The following TAFA2 variants were observed in gnomAD, a reference collection of about 807,000 sequenced individuals.
The protein encoded by TAFA2 is TAFA chemokine like family member 2, also known as chemokine-like protein TAFA-2.
In TAFA2, 7 loss-of-function variants were observed where a neutral mutation model predicts 18.8. The ratio of observed to expected loss-of-function variants is 0.37; its 90% CI spans 0.21 to 0.70. The LOEUF is 0.70. Ranked by LOEUF, TAFA2 falls within the 30% of genes least tolerant of loss-of-function variation. The pLI, the probability that TAFA2 is intolerant of heterozygous loss-of-function variation, is 0.53. For synonymous variants in TAFA2, 60 were observed against 54.2 expected (o/e 1.11, Z -0.47); for missense variants, 122 against 158.1 (o/e 0.77, Z 1.23).
chr12:62,005,739 T>C (rs535528462), intron 1 of TAFA2, among the ~76,000 whole-genome samples: 50 of 151,980 alleles, frequency 3.3e-4, no homozygotes, highest in Non-Finnish European at 6.2e-4. Context: ...TTTCCATTAA[T>C]CCACAAAAAT....
intron 1 of TAFA2, among the ~76,000 whole-genome samples, chr12:62,097,359 G>A (rs999757625): frequency 6.6e-6 from 1 of 152,132 alleles, no homozygotes; most frequent in Non-Finnish European, 1.5e-5. Flanking sequence ...GAAAAAGCCA[G>A]AGAAAGAGTG....
At chr12:62,046,113 A>G (rs1489498456) in intron 1 of TAFA2, among the ~76,000 whole-genome samples, 1 of 152,216 alleles carries the variant, frequency 6.6e-6, no homozygotes, top group African/African-American at 2.4e-5. Context: ...TGATGGATTC[A>G]GAAAGCAATA....
chr12:62,121,029 T>C (rs893889776), intron 1 of TAFA2, among the ~76,000 whole-genome samples: 1 of 152,076 alleles, frequency 6.6e-6, no homozygotes, highest in East Asian at 1.9e-4. Context: ...TAATTTTGTA[T>C]TTTTAGTAGA....
At chr12:61,882,745 T>C (rs932320623) in intron 1 of TAFA2, among the ~76,000 whole-genome samples, 14 of 152,188 alleles carry the variant, frequency 9.2e-5, no homozygotes, top group Non-Finnish European at 1.9e-4. Context: ...ATTTATATAT[T>C]CTACCTACTA....
intron 1 of TAFA2, among the ~76,000 whole-genome samples, chr12:61,935,009 T>C (rs1433411936): frequency 6.6e-6 from 1 of 152,206 alleles, no homozygotes; most frequent in Non-Finnish European, 1.5e-5. Flanking sequence ...TTTATAAGCA[T>C]TGACCAAGCC....
intron 2 of TAFA2, among the ~76,000 whole-genome samples, chr12:61,805,716 G>A (rs536004109): frequency 6.6e-6 from 1 of 152,130 alleles, no homozygotes; most frequent in East Asian, 1.9e-4. Context: ...AGATTAATGT[G>A]GAAATGGCAA....
intron 4 of TAFA2, among the ~76,000 whole-genome samples, chr12:61,716,207 T>C (rs1869651372): frequency 2.0e-5 from 3 of 152,202 alleles, no homozygotes; most frequent in Non-Finnish European, 4.4e-5. Context: ...TCCCAGGTTT[T>C]GCCTCTGATT....
intron 2 of TAFA2, chr12:61,776,035 A>G (rs1424059910): frequency 2.6e-6 from 1 of 378,820 alleles, no homozygotes; most frequent in Non-Finnish European, 5.1e-6. Flanking sequence ...AAGAAAGGTG[A>G]TATTGTAGAC....
chr12:61,711,799 C>A (rs1435002583), intron 4 of TAFA2, among the ~76,000 whole-genome samples: 1 of 151,824 alleles, frequency 6.6e-6, no homozygotes, highest in African/African-American at 2.4e-5. Flanking sequence ...TGCACAGAAC[C>A]ATGGAAGAAG....
At chr12:62,042,349 C>T (rs1445798744) in intron 1 of TAFA2, among the ~76,000 whole-genome samples, 1 of 151,848 alleles carries the variant, frequency 6.6e-6, no homozygotes. Context: ...AGTTCAGGTG[C>T]TTGCATCCCA....
chr12:61,917,290 T>G (rs1876865572), intron 1 of TAFA2, among the ~76,000 whole-genome samples: 1 of 152,200 alleles, frequency 6.6e-6, no homozygotes, highest in Non-Finnish European at 1.5e-5. Context: ...CTACATAGCA[T>G]TTTGAAAGAC....
intron 2 of TAFA2, among the ~76,000 whole-genome samples, chr12:61,810,148 T>C (rs1871804816): frequency 6.6e-6 from 1 of 151,510 alleles, no homozygotes; most frequent in Admixed American, 6.6e-5. Context: ...TCCCAAATAC[T>C]GATAAATGCA....
At chr12:61,870,542 G>GA (rs1426562854) in intron 1 of TAFA2, among the ~76,000 whole-genome samples, 1 of 152,154 alleles carries the variant, frequency 6.6e-6, no homozygotes, top group Non-Finnish European at 1.5e-5. Context: ...AGTAGGGTAT[G>GA]AAAATCCTTC....
At chr12:62,134,704 G>A (rs1225353282) in intron 1 of TAFA2, among the ~76,000 whole-genome samples, 4 of 152,016 alleles carry the variant, frequency 2.6e-5, no homozygotes, top group South Asian at 2.1e-4. Flanking sequence ...CAGGGAGCAC[G>A]TCCATCTAGT....
chr12:61,935,048 T>C (rs931654704), intron 1 of TAFA2, among the ~76,000 whole-genome samples: 2 of 152,182 alleles, frequency 1.3e-5, no homozygotes, highest in African/African-American at 4.8e-5. Context: ...TTACTAATTA[T>C]TGACTGTACA....
intron 2 of TAFA2, among the ~76,000 whole-genome samples, chr12:61,847,527 A>G (rs1034843239): frequency 6.6e-6 from 1 of 152,250 alleles, no homozygotes; most frequent in Non-Finnish European, 1.5e-5. Flanking sequence ...AACGCATTAC[A>G]TGAAAAATGC....
intron 1 of TAFA2, chr12:61,880,287 AG>A (rs1875064474): frequency 1.7e-5 from 8 of 477,534 alleles, no homozygotes; most frequent in South Asian, 1.2e-4. Flanking sequence ...GCTGAGATCA[AG>A]GGCCTCAAAG....
In TAFA2 at chr12:61,983,628, G is replaced by A. The variant is rs985365062; in HGVS notation, c.-1-116202C>T. 5.9e-5 allele frequency among the ~76,000 whole-genome samples: 9 copies of A among 152,060 alleles called. No individual in the cohort carries two copies. In the South Asian group the frequency reaches 1.0e-3, roughly 18 times the overall value. ...TCACTGTGTTGGCCAGGATGGTCTC[G>A]ATCTCTTGACCTCGTGATCCACCTG... On this transcript the variant is annotated intron_variant, in intron 1 of 4. Transcript: ENST00000416284.
At chr12:62,158,313 T>C (rs1478906991) in intron 1 of TAFA2, among the ~76,000 whole-genome samples, 1 of 152,228 alleles carries the variant, frequency 6.6e-6, no homozygotes, top group Non-Finnish European at 1.5e-5. Flanking sequence ...GTGTATATAG[T>C]AGGCAGTATC....
Sources: gnomAD v4.1 joint callset for allele counts (sites outside exome capture counted in the v4.1 genomes callset) on GRCh38, gnomAD v4.1.1 for gene constraint, MANE v1.5 for transcripts, NCBI Gene and HGNC (gene_info 2026-07-23, HGNC 2026-07-21) for gene names.